The following ETV1 variants were observed in gnomAD, a reference collection of about 807,000 sequenced individuals.
ETV1 encodes the protein ETS variant transcription factor 1.
Under a neutral mutation model 62.3 loss-of-function variants are expected in ETV1, and 27 were observed. The ratio of observed to expected loss-of-function variants is 0.43; its 90% CI spans 0.32 to 0.60. The LOEUF (loss-of-function observed/expected upper bound fraction) is 0.60, where lower values mean the gene tolerates loss of function less well. ETV1 is among the 20% of genes least tolerant of loss of function. The pLI is 0.06. For missense variants in ETV1, 605 were observed against 605.8 expected (o/e 1.00, Z 0.01); for synonymous variants, 222 against 199.6 (o/e 1.11, Z -0.94).
intron 10 of ETV1, 136 bp from the exon 11 acceptor site, chr7:13,909,836 C>T: frequency 1.4e-6 from 1 of 699,436 alleles, no homozygotes; most frequent in Non-Finnish European, 2.5e-6. Flanking sequence ...GCCCTGGACA[C>T]ATTATTTAAC....
At chr7:13,914,150 G>C (rs1783880590) in intron 9 of ETV1, among the ~76,000 whole-genome samples, 1 of 151,514 alleles carries the variant, frequency 6.6e-6, no homozygotes, top group African/African-American at 2.4e-5. Flanking sequence ...CTCCCAAAGT[G>C]CTGGGATTAC....
intron 3 of ETV1, chr7:13,988,420 A>T: frequency 1.7e-6 from 1 of 579,548 alleles, no homozygotes; most frequent in East Asian, 2.9e-5. Flanking sequence ...ATTACTATTT[A>T]TCAATCATAT....
intron 3 of ETV1, 139 bp from the exon 4 acceptor site, chr7:13,988,312 A>C (rs546509556): frequency 1.6e-6 from 1 of 618,778 alleles, no homozygotes; most frequent in African/African-American, 1.9e-5. Context: ...ATAGAAGTCC[A>C]TAGTATCAAC....
intron 6 of ETV1, among the ~76,000 whole-genome samples, chr7:13,955,943 G>A (rs1789390218): frequency 6.6e-6 from 1 of 152,122 alleles, no homozygotes; most frequent in Non-Finnish European, 1.5e-5. Context: ...GAGTTTAAGA[G>A]ATTACTCTTG....
At chr7:13,916,364 G>T (rs117599828) in intron 9 of ETV1, among the ~76,000 whole-genome samples, 1 of 152,160 alleles carries the variant, frequency 6.6e-6, no homozygotes, top group Non-Finnish European at 1.5e-5. Context: ...GAGGTCAGAC[G>T]TGGTGGCTCA....
At chr7:13,913,578 T>C (rs953030737) in intron 9 of ETV1, among the ~76,000 whole-genome samples, 4 of 152,202 alleles carry the variant, frequency 2.6e-5, no homozygotes, top group Non-Finnish European at 5.9e-5. Context: ...ATATGGGACT[T>C]ATTATTAATA....
intron 6 of ETV1, among the ~76,000 whole-genome samples, chr7:13,970,366 A>G (rs79994433): frequency 0.017 from 2,581 of 151,898 alleles, 77 homozygotes; most frequent in African/African-American, 0.059. Flanking sequence ...AGAAACTCAG[A>G]ACCATCAAGA....
rs139078430 is a variant in ETV1 at position 13,983,523 on chromosome 7, T to C, written c.181+3115A>G. Among the ~76,000 whole-genome samples the C allele has an allele frequency of 2.7e-4, 41 of 151,968 alleles. 1 individual carries two copies. Among genetic ancestry groups the C allele is most frequent in the Non-Finnish European group, 1.5e-5 (1 of 67,850 alleles). On this transcript the variant is annotated intron_variant, in intron 5 of 13. Coordinates refer to ENST00000430479, the MANE Select transcript of ETV1 (RefSeq NM_004956.5). ...GCAATTGCCTTTCTGTCAGTAGCAG[T>C]CTAATTTAAAAGACAAAGAATCAAT...
In ETV1 at chr7:13,954,938, T is replaced by C. The variant is rs551072135; in HGVS notation, c.236-15692A>G. On this transcript the variant is annotated intron_variant, in intron 6 of 13. Transcript: ENST00000430479. ...GCCAAAAAAAGTACCTTTCAGTAAA[T>C]GCCAATAAAACTTTACAGGCTGCCA... Among the ~76,000 whole-genome samples, 8 of 152,264 alleles carry C rather than the reference T, an allele frequency of 5.3e-5. No individual in the cohort carries two copies. In the South Asian group the frequency reaches 1.7e-3, roughly 32 times the overall value.
At position 13,895,534 on chromosome 7, in the gene ETV1, TCAAA is replaced by T. The variant is rs1583539610; in HGVS notation, c.*328_*331del. ...AACATTATCTTATGTTGTTATGAAA[TCAAA>T]CAGACATGATATAGTTTCATCATAC... is the stretch of plus-strand genomic sequence containing the variant. On this transcript the variant is annotated 3_prime_UTR_variant, in exon 14 of 14. Transcript: ENST00000430479. 2.6e-5 allele frequency: 8 copies of T among 307,134 alleles called. No individual in the cohort carries two copies. The East Asian group carries it at 3.3e-4, about 12-fold the overall frequency. 19.0% of individuals were successfully genotyped at this position (307,134 alleles called of 1,614,324 possible).
chr7:13,894,074 G>A lies in ETV1; in HGVS notation c.*1792C>T, dbSNP rs1376083269. 2 of 232,738 alleles carry A rather than the reference G, an allele frequency of 8.6e-6. No individual in the cohort carries two copies. The highest frequency in any genetic ancestry group is 1.7e-5 in the Non-Finnish European group (2 of 117,892). The allele number at this position is 232,738 out of a possible 1,614,324, so 14.4% of individuals were successfully genotyped here. A position where few individuals can be genotyped will look rare whatever the true frequency, so the allele number is the denominator to read the frequency against. ...GTAGTTTTGGAAAATGGGTAGCTGG[G>A]GGGATCATCTTTAAACAATCTTTTT... On this transcript the variant is annotated 3_prime_UTR_variant, in exon 14 of 14. Transcript: ENST00000430479.
intron 4 of ETV1, 186 bp from the exon 5 acceptor site, chr7:13,986,871 T>G (rs1204137603): frequency 1.7e-5 from 9 of 538,166 alleles, no homozygotes; most frequent in Non-Finnish European, 2.9e-5. Context: ...TCATGCCTAT[T>G]AAGCAACTCT....
chr7:13,970,666 G>A (rs1437535732), intron 6 of ETV1, among the ~76,000 whole-genome samples: 2 of 151,990 alleles, frequency 1.3e-5, no homozygotes, highest in Non-Finnish European at 2.9e-5. Context: ...AATCGGGCAA[G>A]AAAGTTTTCA....
At chr7:13,969,723 A>G (rs1780679618) in intron 6 of ETV1, among the ~76,000 whole-genome samples, 1 of 152,232 alleles carries the variant, frequency 6.6e-6, no homozygotes, top group Non-Finnish European at 1.5e-5. Flanking sequence ...AGAATCAGAC[A>G]GCTGATTACC....
intron 3 of ETV1, 124 bp downstream of exon 3, chr7:13,988,884 G>A (rs1471624164): frequency 1.3e-6 from 2 of 1,556,760 alleles, no homozygotes; most frequent in African/African-American, 2.7e-5. Context: ...GCCCTACAGT[G>A]GCAACAAAGC....
intron 9 of ETV1, among the ~76,000 whole-genome samples, chr7:13,916,580 G>C (rs1400618727): frequency 1.3e-5 from 2 of 152,072 alleles, no homozygotes; most frequent in Non-Finnish European, 2.9e-5. Context: ...GGAGGTTTCA[G>C]TAAGCCGAGA....
intron 6 of ETV1, among the ~76,000 whole-genome samples, chr7:13,941,426 T>G (rs954246045): frequency 6.6e-6 from 1 of 152,160 alleles, no homozygotes; most frequent in East Asian, 1.9e-4. Context: ...AGGAAAGTGA[T>G]GAATAAGACT....
chr7:13,925,628 C>T (rs142650368), intron 9 of ETV1, among the ~76,000 whole-genome samples: 3 of 151,118 alleles, frequency 2.0e-5, no homozygotes, highest in East Asian at 3.9e-4. Context: ...TGCGGTGGCG[C>T]GATCTCAGCT....
intron 6 of ETV1, among the ~76,000 whole-genome samples, chr7:13,972,966 G>C (rs748836005): frequency 7.9e-5 from 12 of 152,040 alleles, no homozygotes; most frequent in Non-Finnish European, 1.5e-4. Flanking sequence ...TCCTTCAAAG[G>C]TTAGCAATCT....
Sources: allele counts gnomAD v4.1 joint callset (sites outside exome capture counted in the v4.1 genomes callset), GRCh38; gene constraint gnomAD v4.1.1; transcripts MANE v1.5; gene names NCBI Gene and HGNC (gene_info 2026-07-23, HGNC 2026-07-21).